CIMAP1D: variants seen among roughly 807,000 people sequenced by gnomAD.
CIMAP1D encodes the protein CIMAP1 family member D.
chr19:479,219 C>CA, the CIMAP1D span, among the ~76,000 whole-genome samples: 1 of 152,248 alleles, frequency 6.6e-6, no homozygotes, highest in Middle Eastern at 3.4e-3. Context: ...ATGTTTCCTA[C>CA]GATTAGGCAT....
At chr19:486,121 G>C in the CIMAP1D span, among the ~76,000 whole-genome samples, 1 of 152,212 alleles carries the variant, frequency 6.6e-6, no homozygotes, top group South Asian at 2.1e-4. Context: ...GGCTCTGCTG[G>C]GCACCCAGCC....
the CIMAP1D span, among the ~76,000 whole-genome samples, chr19:488,050 C>T: frequency 3.3e-5 from 5 of 152,100 alleles, no homozygotes; most frequent in African/African-American, 4.8e-5. Flanking sequence ...CCCTCTCACG[C>T]GGACCCCCTG....
At chr19:464,283 G>A in the CIMAP1D span, 1 of 1,541,442 alleles carries the variant, frequency 6.5e-7, no homozygotes, top group Non-Finnish European at 8.7e-7. Context: ...GCAGCCCAGG[G>A]TGAAAGCCGG....
At chr19:465,464 TA>T in the CIMAP1D span, among the ~76,000 whole-genome samples, 1 of 138,064 alleles carries the variant, frequency 7.2e-6, no homozygotes, top group Non-Finnish European at 1.6e-5. Context: ...GGTGGGTGGA[TA>T]GATGGGTGGG....
At chr19:477,493 G>T in the CIMAP1D span, among the ~76,000 whole-genome samples, 1 of 150,028 alleles carries the variant, frequency 6.7e-6, no homozygotes, top group Non-Finnish European at 1.5e-5. Flanking sequence ...AGACTCGCTT[G>T]AACCCGCTTG....
At chr19:471,611 C>T in the CIMAP1D span, among the ~76,000 whole-genome samples, 1 of 151,960 alleles carries the variant, frequency 6.6e-6, no homozygotes, top group African/African-American at 2.4e-5. Context: ...CCCAGCTTTT[C>T]GGCTACTTTT....
the CIMAP1D span, among the ~76,000 whole-genome samples, chr19:467,210 G>A: frequency 1.3e-5 from 2 of 149,376 alleles, no homozygotes; most frequent in African/African-American, 5.0e-5. Flanking sequence ...ATGGTTGGTG[G>A]AGGGTGGATG....
the CIMAP1D span, chr19:472,577 C>T: frequency 7.4e-6 from 8 of 1,082,944 alleles, no homozygotes; most frequent in Non-Finnish European, 1.0e-5. Context: ...AGCTCCTGAG[C>T]CTTAGCCTGG....
the CIMAP1D span, among the ~76,000 whole-genome samples, chr19:491,182 C>T: frequency 1.3e-5 from 2 of 151,290 alleles, no homozygotes; most frequent in South Asian, 4.2e-4. Context: ...GAGGCTCAGG[C>T]GGGAGAATCG....
At chr19:464,572 G>A in the CIMAP1D span, among the ~76,000 whole-genome samples, 4 of 152,222 alleles carry the variant, frequency 2.6e-5, no homozygotes, top group East Asian at 1.9e-4. Context: ...GGCCAAGCAC[G>A]CCTTCATTTT....
At chr19:482,593 G>T in the CIMAP1D span, among the ~76,000 whole-genome samples, 1 of 140,892 alleles carries the variant, frequency 7.1e-6, no homozygotes, top group Admixed American at 7.1e-5. Flanking sequence ...CATACAGGGT[G>T]AGATCGGCAG....
At chr19:483,315 G>C in the CIMAP1D span, among the ~76,000 whole-genome samples, 304 of 137,340 alleles carry the variant, frequency 2.2e-3, no homozygotes, top group African/African-American at 8.0e-3. Context: ...GCCCCAAAAG[G>C]CCACTCTATG....
chr19:474,074 G>A, the CIMAP1D span, among the ~76,000 whole-genome samples: 5 of 152,094 alleles, frequency 3.3e-5, no homozygotes, highest in African/African-American at 7.2e-5. Context: ...GACGCCATGT[G>A]TTGTGGCTTC....
the CIMAP1D span, among the ~76,000 whole-genome samples, chr19:474,254 C>T: frequency 1.3e-5 from 2 of 152,210 alleles, no homozygotes; most frequent in Admixed American, 6.5e-5. Flanking sequence ...CCTCCGCACA[C>T]GCGCCCCTCG....
At chr19:463,843 C>G in the CIMAP1D span, 3 of 1,606,490 alleles carry the variant, frequency 1.9e-6, no homozygotes, top group Non-Finnish European at 2.5e-6. Flanking sequence ...ACAGGCCTGG[C>G]CTAGCAGCAG....
the CIMAP1D span, among the ~76,000 whole-genome samples, chr19:488,073 C>A: frequency 6.6e-6 from 1 of 152,010 alleles, no homozygotes; most frequent in Non-Finnish European, 1.5e-5. Context: ...AGTTGTGAGC[C>A]CTGAAGAGGG....
At chr19:468,869 C>T in the CIMAP1D span, among the ~76,000 whole-genome samples, 1 of 47,556 alleles carries the variant, frequency 2.1e-5, no homozygotes, top group East Asian at 4.1e-4. Flanking sequence ...CTCCCCGAAA[C>T]ATCATCCAAA....
chr19:463,859 G>A, the CIMAP1D span: 330 of 1,609,150 alleles, frequency 2.1e-4, 4 homozygotes, highest in South Asian at 2.7e-3. Flanking sequence ...AGCAGCGGCC[G>A]GGCAGCCTGT....
At chr19:484,972 C>T in the CIMAP1D span, among the ~76,000 whole-genome samples, 1 of 152,102 alleles carries the variant, frequency 6.6e-6, no homozygotes, top group Non-Finnish European at 1.5e-5. Context: ...CCCAGGTGGG[C>T]ACCACGGGGC....
Sources: allele counts gnomAD v4.1 joint callset (sites outside exome capture counted in the v4.1 genomes callset), GRCh38; gene constraint gnomAD v4.1.1; transcripts MANE v1.5; gene names NCBI Gene and HGNC (gene_info 2026-07-23, HGNC 2026-07-21).